Variants in ACMSD observed in about 807,000 individuals in gnomAD.
ACMSD encodes aminocarboxymuconate semialdehyde decarboxylase.
In ACMSD, 37 loss-of-function variants were observed where a neutral mutation model predicts 45.9. That is an observed-to-expected ratio of 0.81 (90% CI 0.62 to 1.06). ACMSD has a LOEUF of 1.06. ACMSD is among the 50% of genes least tolerant of loss of function. The pLI, the probability that ACMSD is intolerant of heterozygous loss-of-function variation, is 0.00. For missense variants in ACMSD, 434 were observed against 420.9 expected (o/e 1.03, Z -0.27); for synonymous variants, 138 against 148.8 (o/e 0.93, Z 0.53).
intron 3 of ACMSD, among the ~76,000 whole-genome samples, chr2:134,860,213 A>T (rs1030479994): frequency 4.6e-5 from 7 of 152,208 alleles, no homozygotes; most frequent in Admixed American, 2.6e-4. Flanking sequence ...CAGTGAGCCG[A>T]CATTGCACCA....
chr2:134,843,769 C>T (rs1053778367), intron 1 of ACMSD, among the ~76,000 whole-genome samples: 1 of 152,242 alleles, frequency 6.6e-6, no homozygotes, highest in Non-Finnish European at 1.5e-5. Context: ...TCTGACACCA[C>T]ACTGTGAGAG....
Position 134,861,835 on chromosome 2 carries a change from G to T in ACMSD, c.200-134G>T. 8 of 887,564 alleles carry T rather than the reference G, an allele frequency of 9.0e-6. No homozygotes were observed. The South Asian group carries it at 9.7e-5, about 11-fold the overall frequency. 55.0% of individuals were successfully genotyped at this position (887,564 alleles called of 1,614,324 possible). On this transcript the variant is annotated intron_variant, in intron 3 of 9. Transcript: ENST00000356140. ...GGGGCTGAGGGGGGTCCAGGGAGAG[G>T]ACTGAGAGGGACGCAGGGAGGGAGA...
chr2:134,873,993 A>T lies in ACMSD; in HGVS notation c.849+1352A>T, dbSNP rs148232948. On this transcript the variant is annotated intron_variant, in intron 8 of 9. Transcript: ENST00000356140. ...AGTACCTCCTTACTAGTATTCTTGG[A>T]AATTGAAAACACCAGGAGAAAACAC... Among the ~76,000 whole-genome samples, 312 of 152,322 alleles carry T rather than the reference A, an allele frequency of 2.0e-3. 1 individual carries two copies. The highest frequency in any genetic ancestry group is 2.9e-3 in the Non-Finnish European group (198 of 68,032).
At chr2:134,891,575 GT>G (rs1169814700) in intron 8 of ACMSD, among the ~76,000 whole-genome samples, 1 of 152,026 alleles carries the variant, frequency 6.6e-6, no homozygotes, top group African/African-American at 2.4e-5. Context: ...TTATTAAAAA[GT>G]CAAAAATAAC....
intron 5 of ACMSD, among the ~76,000 whole-genome samples, 170 bp downstream of exon 5, chr2:134,863,801 T>G (rs1032925983): frequency 2.0e-5 from 3 of 151,756 alleles, no homozygotes; most frequent in African/African-American, 7.3e-5. Flanking sequence ...CGCAAAGGAG[T>G]GGGCCATTCC....
chr2:134,893,840 C>A lies in ACMSD; in HGVS notation c.850-4501C>A, dbSNP rs1689934639. Among the ~76,000 whole-genome samples the A allele has an allele frequency of 1.3e-5, 2 of 151,986 alleles. 1 individual carries two copies. The highest frequency in any genetic ancestry group is 4.2e-4 in the South Asian group (2 of 4,814). ...TAGTAGACCTGCCATACAAGAAATG[C>A]CAAAGGGAGTTCTTTAGGCTAAAAT... On this transcript the variant is annotated intron_variant, in intron 8 of 9. Transcript: ENST00000356140.
intron 1 of ACMSD, among the ~76,000 whole-genome samples, chr2:134,843,904 C>T (rs1686927305): frequency 1.3e-5 from 2 of 152,206 alleles, no homozygotes; most frequent in Admixed American, 6.5e-5. Context: ...CTCGCCAAGG[C>T]CCCCAGAGCA....
intron 3 of ACMSD, 109 bp from the exon 4 acceptor site, chr2:134,861,860 A>G: frequency 8.8e-7 from 1 of 1,135,442 alleles, no homozygotes; most frequent in Non-Finnish European, 1.3e-6. Flanking sequence ...AGGGAGGGAG[A>G]GCAGGAGGAG....
intron 8 of ACMSD, among the ~76,000 whole-genome samples, chr2:134,884,874 A>C (rs1689233326): frequency 6.6e-6 from 1 of 152,138 alleles, no homozygotes; most frequent in South Asian, 2.1e-4. Context: ...AAATAGCTCA[A>C]ATTTACAGTA....
At chr2:134,845,208 C>CT (rs1438119300) in intron 1 of ACMSD, 25 bp from the exon 2 acceptor site, 13 of 1,613,932 alleles carry the variant, frequency 8.1e-6, no homozygotes, top group African/African-American at 2.7e-5. Flanking sequence ...CTCTTTGACT[C>CT]TAACTGTGCT....
chr2:134,870,238 C>G (rs1388400068), intron 6 of ACMSD, among the ~76,000 whole-genome samples: 3 of 152,216 alleles, frequency 2.0e-5, no homozygotes, highest in African/African-American at 2.4e-5. Flanking sequence ...AGACATGGAC[C>G]AGCTGCTTCT....
intron 3 of ACMSD, among the ~76,000 whole-genome samples, chr2:134,859,851 C>T (rs963697317): frequency 2.0e-5 from 3 of 151,570 alleles, no homozygotes; most frequent in East Asian, 1.9e-4. Flanking sequence ...TCAGAATACA[C>T]TACAATAAAA....
rs377213522 is a variant in ACMSD at position 134,876,789 on chromosome 2, CT to C, written c.849+4156del. Reference sequence around the variant, plus strand: ...ACTGTACATCATTATCTGTGCTATACTTTTTTTTCTTTAAGACAGTCTCACT... The same window carrying C: ...ACTGTACATCATTATCTGTGCTATACTTTTTTTCTTTAAGACAGTCTCACT... On this transcript the variant is annotated intron_variant, in intron 8 of 9. Transcript: ENST00000356140. 1.3e-3 allele frequency among the ~76,000 whole-genome samples: 195 copies of C among 152,138 alleles called. 5 individuals are homozygous for C. The Middle Eastern group carries it at 0.041, about 32-fold the overall frequency.
At chr2:134,898,296 T>C in intron 8 of ACMSD, 45 bp from the exon 9 acceptor site, 1 of 1,295,306 alleles carries the variant, frequency 7.7e-7, no homozygotes. Context: ...GGAGGCTCTT[T>C]CATGTTTTAC....
At chr2:134,871,682 G>GACAGACAC (rs1491364344) in intron 7 of ACMSD, among the ~76,000 whole-genome samples, 1 of 139,006 alleles carries the variant, frequency 7.2e-6, no homozygotes, top group Middle Eastern at 3.6e-3. Context: ...TCAACAGACA[G>GACAGACAC]ACACACACAC....
At chr2:134,882,196 A>G (rs1689074011) in intron 8 of ACMSD, among the ~76,000 whole-genome samples, 1 of 152,176 alleles carries the variant, frequency 6.6e-6, no homozygotes, top group South Asian at 2.1e-4. Context: ...TTGAATACTT[A>G]GGCTTCCAAG....
At chr2:134,860,895 T>C (rs974814333) in intron 3 of ACMSD, among the ~76,000 whole-genome samples, 1 of 142,584 alleles carries the variant, frequency 7.0e-6, no homozygotes, top group Admixed American at 7.2e-5. Flanking sequence ...CTAGGTGTGG[T>C]GGCATGCACC....
At chr2:134,843,269 G>A (rs564138204) in intron 1 of ACMSD, among the ~76,000 whole-genome samples, 1 of 152,258 alleles carries the variant, frequency 6.6e-6, no homozygotes, top group Admixed American at 6.5e-5. Flanking sequence ...GCAGAGAGGA[G>A]AAACTGAGCT....
intron 8 of ACMSD, among the ~76,000 whole-genome samples, chr2:134,885,697 A>G (rs1292573579): frequency 6.6e-6 from 1 of 151,944 alleles, no homozygotes. Flanking sequence ...AAATTATTAA[A>G]CTAGATTTTT....
Sources: allele counts gnomAD v4.1 joint callset (sites outside exome capture counted in the v4.1 genomes callset), GRCh38; gene constraint gnomAD v4.1.1; transcripts MANE v1.5; gene names NCBI Gene and HGNC (gene_info 2026-07-23, HGNC 2026-07-21).